RIC1: variants seen among roughly 807,000 people sequenced by gnomAD.
RIC1 encodes RIC1 partner of RAB6A GEF complex.
A neutral mutation model predicts 169.0 loss-of-function variants in RIC1; 88 were observed. The ratio of observed to expected loss-of-function variants is 0.52; its 90% CI spans 0.44 to 0.62. RIC1 has a LOEUF of 0.62. Ranked by LOEUF, RIC1 falls within the 20% of genes least tolerant of loss-of-function variation. The pLI is 0.00. For missense variants in RIC1, 1,877 were observed against 1,725.5 expected, an observed-to-expected ratio of 1.09 and a Z score of -1.56; for synonymous variants, 790 against 601.5, an observed-to-expected ratio of 1.31 and a Z score of -4.59.
chr9:5,686,624 T>C (rs984136775), intron 2 of RIC1, among the ~76,000 whole-genome samples: 7 of 80,912 alleles, frequency 8.7e-5, no homozygotes, highest in African/African-American at 3.0e-4. Flanking sequence ...CTGGGGACTG[T>C]GGTGGGGTGG....
chr9:5,664,146 A>T (rs981799800), intron 2 of RIC1, among the ~76,000 whole-genome samples: 7 of 152,116 alleles, frequency 4.6e-5, no homozygotes, highest in Non-Finnish European at 8.8e-5. Context: ...GTGGTGGCTC[A>T]CACCTGTAAT....
chr9:5,682,132 T>A (rs1337692958), intron 2 of RIC1, among the ~76,000 whole-genome samples: 1 of 152,230 alleles, frequency 6.6e-6, no homozygotes, highest in East Asian at 1.9e-4. Flanking sequence ...TCTGTGTCTT[T>A]TAATTGGAGC....
chr9:5,725,605 T>G (rs1823922215), intron 6 of RIC1, among the ~76,000 whole-genome samples: 1 of 152,196 alleles, frequency 6.6e-6, no homozygotes, highest in Non-Finnish European at 1.5e-5. Flanking sequence ...TGCTAGCTTT[T>G]GAATGTGTCT....
chr9:5,706,613 G>T (rs1822602253), intron 3 of RIC1, among the ~76,000 whole-genome samples: 2 of 152,026 alleles, frequency 1.3e-5, no homozygotes, highest in African/African-American at 4.8e-5. Flanking sequence ...TTTGATTAGT[G>T]ACTCAATTTC....
At chr9:5,662,839 G>T (rs1237661782) in intron 2 of RIC1, among the ~76,000 whole-genome samples, 1 of 151,964 alleles carries the variant, frequency 6.6e-6, no homozygotes, top group African/African-American at 2.4e-5. Context: ...ATCTCCTTCA[G>T]TTCTGCTCTG....
chr9:5,743,849 C>T (rs1587089021), intron 10 of RIC1, 112 bp downstream of exon 10: 2 of 781,588 alleles, frequency 2.6e-6, no homozygotes, highest in East Asian at 5.2e-5. Flanking sequence ...CTTACACTGT[C>T]ACCCAGGTTG....
At chr9:5,681,391 T>C (rs1820830058) in intron 2 of RIC1, among the ~76,000 whole-genome samples, 1 of 152,224 alleles carries the variant, frequency 6.6e-6, no homozygotes, top group Non-Finnish European at 1.5e-5. Flanking sequence ...TCAAAGAACA[T>C]CTTTATTTCT....
chr9:5,701,299 T>C (rs1481264063), intron 3 of RIC1, among the ~76,000 whole-genome samples: 1 of 152,190 alleles, frequency 6.6e-6, no homozygotes. Flanking sequence ...TCGATTTAAA[T>C]GCAAAGTGTA....
chr9:5,680,159 G>C (rs886642921), intron 2 of RIC1, among the ~76,000 whole-genome samples: 7 of 152,292 alleles, frequency 4.6e-5, no homozygotes, highest in East Asian at 1.9e-4. Context: ...ATTTTCGTAT[G>C]TTGAACCAGC....
chr9:5,736,278 T>G (rs1418491710), intron 7 of RIC1, among the ~76,000 whole-genome samples: 4 of 152,210 alleles, frequency 2.6e-5, no homozygotes, highest in Non-Finnish European at 2.9e-5. Flanking sequence ...TTTTCAGATA[T>G]TTGGCTTCTG....
chr9:5,701,349 G>A (rs1275992730), intron 3 of RIC1, among the ~76,000 whole-genome samples: 3 of 152,032 alleles, frequency 2.0e-5, no homozygotes, highest in South Asian at 4.1e-4. Context: ...GGTGGCTCAC[G>A]CCTGCAATCT....
intron 2 of RIC1, among the ~76,000 whole-genome samples, chr9:5,679,847 GAT>G (rs1289240745): frequency 6.6e-6 from 1 of 152,108 alleles, no homozygotes; most frequent in Non-Finnish European, 1.5e-5. Context: ...TCTCCTGCCT[GAT>G]TGCCCTGGCC....
intron 2 of RIC1, among the ~76,000 whole-genome samples, chr9:5,679,393 T>C (rs1820668416): frequency 6.6e-6 from 1 of 152,214 alleles, no homozygotes; most frequent in Non-Finnish European, 1.5e-5. Context: ...ATTGGTAGCT[T>C]GATGGGGATG....
chr9:5,654,447 C>T (rs750012421), intron 1 of RIC1, among the ~76,000 whole-genome samples: 28 of 152,124 alleles, frequency 1.8e-4, no homozygotes, highest in Non-Finnish European at 3.7e-4. Flanking sequence ...CGGGGTTTCA[C>T]CATGTTGGCG....
chr9:5,709,230 C>G (rs180892395), intron 3 of RIC1, among the ~76,000 whole-genome samples: 1 of 152,298 alleles, frequency 6.6e-6, no homozygotes, highest in African/African-American at 2.4e-5. Flanking sequence ...AACTGCAGTT[C>G]TGCCGTCTGT....
At chr9:5,663,891 C>T (rs1324744354) in intron 2 of RIC1, among the ~76,000 whole-genome samples, 6 of 152,160 alleles carry the variant, frequency 3.9e-5, no homozygotes, top group African/African-American at 1.4e-4. Context: ...GTGGTTCCTT[C>T]ATAGTGTCAC....
intron 8 of RIC1, among the ~76,000 whole-genome samples, chr9:5,742,223 C>T (rs908318838): frequency 2.6e-5 from 4 of 152,056 alleles, no homozygotes; most frequent in African/African-American, 4.8e-5. Flanking sequence ...GTTAGATTAC[C>T]TGTCTTGGGC....
chr9:5,683,860 C>A (rs1478721073), intron 2 of RIC1, among the ~76,000 whole-genome samples: 1 of 152,226 alleles, frequency 6.6e-6, no homozygotes, highest in African/African-American at 2.4e-5. Flanking sequence ...GCCCCTCCCC[C>A]AGCCTCGCTG....
intron 2 of RIC1, among the ~76,000 whole-genome samples, chr9:5,658,462 T>C (rs932602661): frequency 1.3e-5 from 2 of 152,106 alleles, no homozygotes; most frequent in African/African-American, 4.8e-5. Context: ...ACAGATGTTA[T>C]AATACTGCTC....
Sources: allele counts gnomAD v4.1 joint callset (sites outside exome capture counted in the v4.1 genomes callset), GRCh38; gene constraint gnomAD v4.1.1; transcripts MANE v1.5; gene names NCBI Gene and HGNC (gene_info 2026-07-23, HGNC 2026-07-21).